Variants in MAGT1 observed in about 807,000 individuals in gnomAD.
MAGT1 encodes magnesium transporter 1, also known as dolichyl-diphosphooligosaccharide--protein glycosyltransferase subunit MAGT1.
MAGT1 carries 4 observed loss-of-function variants against 28.4 expected under a neutral mutation model. That is an observed-to-expected ratio of 0.14 (90% CI 0.07 to 0.32). MAGT1 has a LOEUF of 0.32. Ranked by LOEUF, MAGT1 falls within the 10% of genes least tolerant of loss-of-function variation. MAGT1 has a pLI of 1.00. For synonymous variants in MAGT1, 89 were observed against 89.7 expected (o/e 0.99, Z 0.04); for missense variants, 193 against 264.5 (o/e 0.73, Z 1.88).
chrX:77,870,304 G>A (rs2077017412), intron 3 of MAGT1, among the ~76,000 whole-genome samples: 1 of 110,722 alleles, frequency 9.0e-6, no homozygotes, highest in African/African-American at 3.3e-5. Context: ...TGGGTACAGT[G>A]TACGCTGCTC....
At chrX:77,866,345 G>A (rs1557216919) in intron 3 of MAGT1, among the ~76,000 whole-genome samples, 1 of 65,968 alleles carries the variant, frequency 1.5e-5, no homozygotes, top group African/African-American at 3.5e-5. Flanking sequence ...GTGTATTAGA[G>A]CCCCCATTGG....
intron 1 of MAGT1, among the ~76,000 whole-genome samples, chrX:77,892,141 C>T (rs1422860877): frequency 9.0e-6 from 1 of 110,887 alleles, no homozygotes; most frequent in Non-Finnish European, 1.9e-5. Flanking sequence ...GTGATCCACC[C>T]GCCTCGGCCT....
chrX:77,854,317 G>C lies in MAGT1; in HGVS notation c.763-353C>G, dbSNP rs193033993. 3.7e-3 allele frequency among the ~76,000 whole-genome samples: 407 copies of C among 110,098 alleles called. 1 individual carries two copies. Among genetic ancestry groups the C allele is most frequent in the African/African-American group, 0.013 (384 of 30,308 alleles). On this transcript the variant is annotated intron_variant, in intron 6 of 9. Transcript: ENST00000618282. ...GCATCCCAAGTAGATGGGACTACAA[G>C]TATGCACCACCATGCCTGCTCAGCT... is the stretch of plus-strand genomic sequence containing the variant.
chrX:77,881,165 T>G (rs1322636318), intron 1 of MAGT1, among the ~76,000 whole-genome samples: 2 of 110,912 alleles, frequency 1.8e-5, no homozygotes, highest in Non-Finnish European at 3.8e-5. Flanking sequence ...TTGATACCGT[T>G]TTAATGATTC....
At chrX:77,881,667 T>C (rs2077053116) in intron 1 of MAGT1, among the ~76,000 whole-genome samples, 1 of 111,338 alleles carries the variant, frequency 9.0e-6, no homozygotes, top group South Asian at 3.8e-4. Context: ...GCTATCATTG[T>C]TAGACATTTG....
At position 77,837,979 on chromosome X, in the gene MAGT1, A is replaced by G. The variant is rs182443573; in HGVS notation, c.901+3267T>C. 1.3e-4 allele frequency among the ~76,000 whole-genome samples: 15 copies of G among 111,696 alleles called. No individual in the cohort carries two copies. The East Asian group carries it at 4.2e-3, about 31-fold the overall frequency. On this transcript the variant is annotated intron_variant, in intron 8 of 9. Transcript: ENST00000618282. Reference sequence around the variant, plus strand: ...AGTCTCGAACTCCTGACCTCAGGTGATCCACCTGCCTTGGCTTCCCAAGTG... The same window carrying G: ...AGTCTCGAACTCCTGACCTCAGGTGGTCCACCTGCCTTGGCTTCCCAAGTG...
At chrX:77,887,175 GC>G (rs2077070222) in intron 1 of MAGT1, among the ~76,000 whole-genome samples, 1 of 111,394 alleles carries the variant, frequency 9.0e-6, no homozygotes, top group Admixed American at 9.6e-5. Context: ...GCTCACTGCA[GC>G]CTCGAACTCC....
At chrX:77,862,724 G>A (rs911746882) in intron 3 of MAGT1, among the ~76,000 whole-genome samples, 14 of 111,253 alleles carry the variant, frequency 1.3e-4, no homozygotes, top group African/African-American at 4.2e-4. Context: ...CAGTTAGAAT[G>A]GCCATTATTA....
chrX:77,850,956 C>T (rs1196451268), intron 7 of MAGT1, among the ~76,000 whole-genome samples: 1 of 109,330 alleles, frequency 9.1e-6, no homozygotes, highest in African/African-American at 3.3e-5. Flanking sequence ...TCAAACCATA[C>T]TTTTCTTTTC....
intron 1 of MAGT1, among the ~76,000 whole-genome samples, chrX:77,889,094 C>T (rs1472678285): frequency 3.8e-5 from 4 of 105,847 alleles, no homozygotes; most frequent in Non-Finnish European, 7.7e-5. Context: ...CCCATCTCAG[C>T]CTCCCTAGTA....
chrX:77,835,585 T>G (rs963777176), intron 8 of MAGT1, among the ~76,000 whole-genome samples: 12 of 111,663 alleles, frequency 1.1e-4, no homozygotes, highest in Non-Finnish European at 2.3e-4. Context: ...TCCCACTGCT[T>G]GGGTATACAC....
At chrX:77,878,063 C>T (rs183443473) in intron 1 of MAGT1, among the ~76,000 whole-genome samples, 5,167 of 104,393 alleles carry the variant, frequency 0.049, 153 homozygotes, top group Non-Finnish European at 0.075. Flanking sequence ...GGGTGGATCG[C>T]TTGAGGTCAG....
intron 2 of MAGT1, among the ~76,000 whole-genome samples, chrX:77,872,554 C>A (rs782305246): frequency 2.3e-4 from 26 of 111,480 alleles, no homozygotes; most frequent in Non-Finnish European, 4.0e-4. Context: ...CAAACAGTAA[C>A]CTTTAGTCCC....
At position 77,879,758 on chromosome X, in the gene MAGT1, C is replaced by T. The variant is rs961196649; in HGVS notation, c.103-4161G>A. Among the ~76,000 whole-genome samples the T allele has an allele frequency of 3.7e-5, 4 of 108,300 alleles. No homozygotes were observed. The East Asian group carries it at 8.7e-4, about 24-fold the overall frequency. The allele number at this position is 108,300 out of a possible 115,157, so 94.0% of individuals were successfully genotyped here. A position where few individuals can be genotyped will look rare whatever the true frequency, so the allele number is the denominator to read the frequency against. On this transcript the variant is annotated intron_variant, in intron 1 of 9. Transcript: ENST00000618282. The stretch of plus-strand genomic sequence containing the variant: ...TAAGAAAGAAATGATTAACTGCACA[C>T]GTAAACACTTACATAGAAACAAAAC...
chrX:77,871,174 T>G (rs782626430), intron 2 of MAGT1, among the ~76,000 whole-genome samples: 35 of 112,107 alleles, frequency 3.1e-4, no homozygotes, highest in African/African-American at 9.4e-4. Flanking sequence ...CGCTTCATAC[T>G]TTGTGCCTGT....
intron 1 of MAGT1, among the ~76,000 whole-genome samples, chrX:77,888,059 C>T (rs141727582): frequency 0.024 from 2,716 of 111,894 alleles, 78 homozygotes; most frequent in African/African-American, 0.083. Flanking sequence ...ATCCATCCAA[C>T]TCGGCCTCCC....
At position 77,834,165 on chromosome X, in the gene MAGT1, C is replaced by CAT. The variant is rs201706016; in HGVS notation, c.902-3272_902-3271dup. The stretch of plus-strand genomic sequence containing the variant: ...AAGACTTAAATCTAAGACTGTACAC[C>CAT]ATATATATATATATGCATATATGTA... On this transcript the variant is annotated intron_variant, in intron 8 of 9. Transcript: ENST00000618282. Among the ~76,000 whole-genome samples, 126 of 94,950 alleles carry CAT rather than the reference C, an allele frequency of 1.3e-3. 1 individual carries two copies. Among genetic ancestry groups the CAT allele is most frequent in the South Asian group, 4.3e-3 (9 of 2,083 alleles). 82.5% of individuals were successfully genotyped at this position (94,950 alleles called of 115,157 possible).
At chrX:77,876,533 A>T (rs952296000) in intron 1 of MAGT1, among the ~76,000 whole-genome samples, 1 of 110,868 alleles carries the variant, frequency 9.0e-6, no homozygotes, top group African/African-American at 3.3e-5. Context: ...TGTGGTACAG[A>T]TGAAGGGATA....
intron 4 of MAGT1, 122 bp downstream of exon 4, chrX:77,857,235 T>G (rs1181606025): frequency 2.4e-6 from 2 of 837,448 alleles, no homozygotes; most frequent in African/African-American, 4.0e-5. Context: ...TAATGCTACT[T>G]ATGAAGTGAC....
Sources: gnomAD v4.1 joint callset for allele counts (sites outside exome capture counted in the v4.1 genomes callset) on GRCh38, gnomAD v4.1.1 for gene constraint, MANE v1.5 for transcripts, NCBI Gene and HGNC (gene_info 2026-07-23, HGNC 2026-07-21) for gene names.